The following MBTPS1 variants were observed in gnomAD, a reference collection of about 807,000 sequenced individuals.
MBTPS1 encodes the protein membrane-bound transcription factor site-1 protease.
In MBTPS1, 94 loss-of-function variants were observed where a neutral mutation model predicts 127.8. The ratio of observed to expected loss-of-function variants is 0.74; its 90% CI spans 0.62 to 0.87. The LOEUF (loss-of-function observed/expected upper bound fraction) is 0.87. Ranked by LOEUF, MBTPS1 falls within the 40% of genes least tolerant of loss-of-function variation. MBTPS1 has a pLI of 0.00. For missense variants in MBTPS1, 1,636 were observed against 1,353.2 expected, an observed-to-expected ratio of 1.21 and a Z score of -3.28; for synonymous variants, 632 against 509.4, an observed-to-expected ratio of 1.24 and a Z score of -3.24.
chr16:84,066,465 C>T (rs369988991), intron 17 of MBTPS1, 24 bp downstream of exon 17: 19 of 1,611,226 alleles, frequency 1.2e-5, no homozygotes, highest in South Asian at 8.8e-5. Context: ...CCTAAGACCA[C>T]GCCCTCAGGA....
At chr16:84,076,359 G>A (rs1239258151) in intron 11 of MBTPS1, among the ~76,000 whole-genome samples, 1 of 152,000 alleles carries the variant, frequency 6.6e-6, no homozygotes, top group African/African-American at 2.4e-5. Flanking sequence ...AAATACAAGA[G>A]GCATTTCCAT....
At chr16:84,084,801 T>G (rs1189135284) in intron 10 of MBTPS1, among the ~76,000 whole-genome samples, 182 bp downstream of exon 10, 2 of 152,224 alleles carry the variant, frequency 1.3e-5, no homozygotes, top group South Asian at 4.1e-4. Context: ...TTCATCTAAC[T>G]ATAAAAGAAG....
chr16:84,079,985 G>A (rs1469707599), intron 11 of MBTPS1, among the ~76,000 whole-genome samples: 4 of 152,218 alleles, frequency 2.6e-5, no homozygotes, highest in African/African-American at 7.2e-5. Flanking sequence ...AGAGCTGCTT[G>A]GAGACAGAAC....
At chr16:84,076,007 G>A (rs1022782011) in intron 11 of MBTPS1, among the ~76,000 whole-genome samples, 10 of 152,064 alleles carry the variant, frequency 6.6e-5, no homozygotes, top group Admixed American at 2.6e-4. Context: ...AGTTTAATTC[G>A]ACTACTAATT....
In MBTPS1 at chr16:84,055,901, G is replaced by A. The variant is rs899714326; in HGVS notation, c.2962+104C>T. The A allele has an allele frequency of 1.5e-5, 20 of 1,303,060 alleles. No homozygotes were observed. In the South Asian group the frequency reaches 2.3e-4, roughly 15 times the overall value. The allele number at this position is 1,303,060 out of a possible 1,614,324, so 80.7% of individuals were successfully genotyped here. ...CAAGGCCACCACAGCTCCCAGGAAG[G>A]CAGAGACAGGGAGAGTCTGGCCCGC... On this transcript the variant is annotated intron_variant, in intron 22 of 22. Transcript: ENST00000343411.
intron 13 of MBTPS1, among the ~76,000 whole-genome samples, chr16:84,070,356 C>G (rs1196252401): frequency 3.9e-5 from 6 of 152,208 alleles, no homozygotes; most frequent in African/African-American, 7.2e-5. Context: ...AGAAAACAGT[C>G]TTCTCTGCTG....
At chr16:84,091,050 C>T (rs910192207) in intron 7 of MBTPS1, 108 bp from the exon 8 acceptor site, 2 of 838,498 alleles carry the variant, frequency 2.4e-6, no homozygotes, top group East Asian at 4.9e-5. Context: ...TCTAAAAAAG[C>T]AGCACTGGCC....
At chr16:84,098,410 A>G (rs1006009899) in intron 3 of MBTPS1, among the ~76,000 whole-genome samples, 7 of 152,328 alleles carry the variant, frequency 4.6e-5, no homozygotes, top group African/African-American at 1.4e-4. Flanking sequence ...CAGGAGTTCA[A>G]GACCAGCCTG....
chr16:84,078,413 C>A, intron 11 of MBTPS1, among the ~76,000 whole-genome samples: 1 of 82,386 alleles, frequency 1.2e-5, no homozygotes, highest in Non-Finnish European at 2.5e-5. Context: ...CCTAACAGAG[C>A]TACCCGATGC....
chr16:84,059,617 G>A, intron 20 of MBTPS1, 189 bp from the exon 21 acceptor site: 1 of 497,004 alleles, frequency 2.0e-6, no homozygotes, highest in Non-Finnish European at 3.6e-6. Context: ...GACAATGTGT[G>A]TTTCCATTGC....
At chr16:84,063,571 G>A (rs1225673303) in intron 18 of MBTPS1, 126 bp from the exon 19 acceptor site, 2 of 905,272 alleles carry the variant, frequency 2.2e-6, no homozygotes, top group Non-Finnish European at 3.3e-6. Flanking sequence ...TTAAAACATT[G>A]CAAATTTTTA....
chr16:84,098,541 A>C (rs2086210185), intron 3 of MBTPS1, among the ~76,000 whole-genome samples: 1 of 150,922 alleles, frequency 6.6e-6, no homozygotes, highest in African/African-American at 2.4e-5. Context: ...ACCTGGGTGG[A>C]GGTTGAGGTG....
chr16:84,087,335 T>C (rs752948396), intron 9 of MBTPS1, 23 bp downstream of exon 9: 2 of 1,562,100 alleles, frequency 1.3e-6, no homozygotes, highest in Admixed American at 1.7e-5. Flanking sequence ...CTAAATACAA[T>C]TATTTAGCAA....
chr16:84,091,766 C>A lies in MBTPS1; in HGVS notation c.929G>T (p.Gly310Val), dbSNP rs1376218482. The A allele has an allele frequency of 6.2e-7, 1 of 1,614,044 alleles. No homozygotes were observed. The highest frequency in any genetic ancestry group is 2.2e-5 in the East Asian group (1 of 44,874). ...KIDVLNLSIG[G>V]PDFMDHPFVD... ...AAACGGATGATCCATGAAGTCCGGG[C>A]CGCCGATGCTGAGGTTTAACACGTC... is the stretch of plus-strand genomic sequence containing the variant. The change falls in exon 7 of 23, where the codon GGC (glycine) becomes GTC (valine). Residue 310 changes from glycine to valine, a missense_variant. Coordinates refer to ENST00000343411, the MANE Select transcript of MBTPS1 (RefSeq NM_003791.4).
intron 2 of MBTPS1, among the ~76,000 whole-genome samples, chr16:84,100,665 T>C (rs1194853622): frequency 6.6e-6 from 1 of 151,458 alleles, no homozygotes; most frequent in African/African-American, 2.4e-5. Flanking sequence ...AGGCCAAGGC[T>C]GCAATGAGCT....
At chr16:84,063,482 T>C (rs774209924) in intron 18 of MBTPS1, 37 bp from the exon 19 acceptor site, 4 of 1,602,470 alleles carry the variant, frequency 2.5e-6, no homozygotes, top group Non-Finnish European at 2.6e-6. Context: ...GCCATGAGAG[T>C]TTCCACTGAG....
chr16:84,095,573 A>G (rs1346740825), intron 4 of MBTPS1, 29 bp downstream of exon 4: 21 of 1,608,546 alleles, frequency 1.3e-5, no homozygotes, highest in Non-Finnish European at 1.7e-5. Context: ...TATATCCCAT[A>G]AGCACCTTCC....
At chr16:84,106,160 C>T (rs1475651725) in intron 1 of MBTPS1, among the ~76,000 whole-genome samples, 1 of 151,886 alleles carries the variant, frequency 6.6e-6, no homozygotes, top group African/African-American at 2.4e-5. Flanking sequence ...TCGTGCGTGG[C>T]GACAGGCGCC....
chr16:84,093,967 A>G, intron 4 of MBTPS1, 146 bp from the exon 5 acceptor site: 1 of 651,386 alleles, frequency 1.5e-6, no homozygotes, highest in East Asian at 2.7e-5. Context: ...AAGTTAGGTC[A>G]GCTGCTCCCA....
Sources: gnomAD v4.1 joint callset for allele counts (sites outside exome capture counted in the v4.1 genomes callset) on GRCh38, gnomAD v4.1.1 for gene constraint, MANE v1.5 for transcripts, NCBI Gene and HGNC (gene_info 2026-07-23, HGNC 2026-07-21) for gene names.